The following LRRTM3 variants were observed in gnomAD, a reference collection of about 807,000 sequenced individuals.
LRRTM3 encodes the protein leucine rich repeat transmembrane neuronal 3, also known as leucine-rich repeat transmembrane neuronal protein 3.
A neutral mutation model predicts 44.7 loss-of-function variants in LRRTM3; 24 were observed. The ratio of observed to expected loss-of-function variants is 0.54; its 90% CI spans 0.39 to 0.76. LRRTM3 has a LOEUF of 0.76. Ranked by LOEUF, LRRTM3 falls within the 30% of genes least tolerant of loss-of-function variation. The probability of loss-of-function intolerance (pLI) is 0.00; values close to 1 mark genes in which losing one functional copy is unlikely to be tolerated. For synonymous variants in LRRTM3, 277 were observed against 278.7 expected (o/e 0.99, Z 0.06); for missense variants, 587 against 702.2 (o/e 0.84, Z 1.85).
intron 2 of LRRTM3, chr10:67,015,416 TC>T (rs1852595813): frequency 6.6e-6 from 1 of 152,186 alleles, no homozygotes; most frequent in Non-Finnish European, 1.5e-5. Context: ...AGAATGTCTT[TC>T]TCTTGATACT....
rs1855839880 is a variant in LRRTM3, at chr10:67,062,827, T to C, written c.1537-34760T>C. On this transcript the variant is annotated intron_variant, in intron 2 of 2. Coordinates refer to ENST00000361320, the MANE Select transcript of LRRTM3 (RefSeq NM_178011.5). ...GATGAGAAAGAAAAATTAATTTTCCTCCAACAACAGCTGGAAGGCAGGTGT... is the reference window on the plus strand; with the variant it reads ...GATGAGAAAGAAAAATTAATTTTCCCCCAACAACAGCTGGAAGGCAGGTGT... Among the ~76,000 whole-genome samples, 11 of 152,166 alleles carry C rather than the reference T, an allele frequency of 7.2e-5. No individual in the cohort carries two copies. The South Asian group carries it at 2.3e-3, about 32-fold the overall frequency.
chr10:67,058,843 C>T (rs754136097), intron 2 of LRRTM3, among the ~76,000 whole-genome samples: 3 of 152,278 alleles, frequency 2.0e-5, no homozygotes, highest in South Asian at 4.1e-4. Flanking sequence ...GATTCTTAGA[C>T]ACATATCAAT....
chr10:67,071,060 A>C (rs1469245575), intron 2 of LRRTM3, among the ~76,000 whole-genome samples: 1 of 152,142 alleles, frequency 6.6e-6, no homozygotes, highest in Non-Finnish European at 1.5e-5. Flanking sequence ...AACTTCATTT[A>C]TCACTTCTTA....
chr10:66,990,281 G>C (rs1850971602), intron 2 of LRRTM3, among the ~76,000 whole-genome samples: 2 of 152,118 alleles, frequency 1.3e-5, no homozygotes, highest in Non-Finnish European at 2.9e-5. Flanking sequence ...ACACTGTAGT[G>C]CTGTGGCCAG....
chr10:67,056,714 T>C (rs1855453128), intron 2 of LRRTM3, among the ~76,000 whole-genome samples: 1 of 152,198 alleles, frequency 6.6e-6, no homozygotes. Flanking sequence ...TTTCAATCAC[T>C]ATGATCTCAA....
chr10:66,973,955 A>C (rs2132842038), intron 2 of LRRTM3, among the ~76,000 whole-genome samples: 1 of 152,276 alleles, frequency 6.6e-6, no homozygotes, highest in South Asian at 2.1e-4. Flanking sequence ...TTGAAATATA[A>C]TTTTCATAAA....
Position 66,927,913 on chromosome 10 carries a change from C to T in LRRTM3, c.997C>T (p.Leu333=), listed in dbSNP as rs1455918862. The T allele has an allele frequency of 1.2e-6, 2 of 1,614,068 alleles. No homozygotes were observed. Among genetic ancestry groups the T allele is most frequent in the African/African-American group, 2.7e-5 (2 of 74,916 alleles). Residue 333 remains leucine, a synonymous_variant, in exon 2 of 3, where the codon CTA becomes TTA. Coordinates refer to ENST00000361320, the MANE Select transcript of LRRTM3 (RefSeq NM_178011.5). This position sits in a 1 kb window ranked among gnomAD's most constrained non-coding sequence, Gnocchi z 4.7. ...AAACTGGCTGAAAAGTTTTAAAGGT[C>T]TAAGGGAGAATACAATTATCTGTGC... ...LVNWLKSFKG[L]RENTIICASP...
chr10:67,054,393 TGA>T (rs1855297174), intron 2 of LRRTM3, among the ~76,000 whole-genome samples: 1 of 152,162 alleles, frequency 6.6e-6, no homozygotes, highest in Admixed American at 6.5e-5. Context: ...AAGTGACCAA[TGA>T]GGACAGCAGG....
intron 2 of LRRTM3, among the ~76,000 whole-genome samples, chr10:67,027,305 A>G (rs1853447849): frequency 6.6e-6 from 1 of 152,172 alleles, no homozygotes; most frequent in African/African-American, 2.4e-5. Flanking sequence ...AACTCACTGA[A>G]AGTTTTACAT....
At chr10:67,074,256 T>C (rs1438099271) in intron 2 of LRRTM3, among the ~76,000 whole-genome samples, 1 of 151,306 alleles carries the variant, frequency 6.6e-6, no homozygotes, top group Non-Finnish European at 1.5e-5. Context: ...GGTCTTGATC[T>C]CTCGACCTCA....
At chr10:67,037,871 G>A (rs2133133632) in intron 2 of LRRTM3, among the ~76,000 whole-genome samples, 1 of 152,220 alleles carries the variant, frequency 6.6e-6, no homozygotes, top group Non-Finnish European at 1.5e-5. Context: ...TGATATTATG[G>A]AAACCCAGAG....
intron 2 of LRRTM3, among the ~76,000 whole-genome samples, chr10:67,096,731 C>T (rs1858016186): frequency 6.6e-6 from 1 of 151,788 alleles, no homozygotes; most frequent in African/African-American, 2.4e-5. Flanking sequence ...CTTGCTTTTT[C>T]CCTCACTTTT....
chr10:67,061,720 G>A (rs1222288569), intron 2 of LRRTM3, among the ~76,000 whole-genome samples: 1 of 152,188 alleles, frequency 6.6e-6, no homozygotes, highest in Non-Finnish European at 1.5e-5. Context: ...GCAGTTGTGT[G>A]CATATTCTAA....
In LRRTM3 at chr10:67,089,217, G is replaced by C. The variant is rs182063185; in HGVS notation, c.1537-8370G>C. 1.2e-3 allele frequency among the ~76,000 whole-genome samples: 178 copies of C among 152,134 alleles called. 1 individual carries two copies. The highest frequency in any genetic ancestry group is 4.1e-3 in the African/African-American group (171 of 41,512). On this transcript the variant is annotated intron_variant, in intron 2 of 2. Coordinates refer to ENST00000361320, the MANE Select transcript of LRRTM3 (RefSeq NM_178011.5). Reference sequence around the variant, plus strand: ...CCTCAGAATAGTAACTGTTACTTTAGTTGGCAATTTAGCTCTTAAGAAAAT... The same window carrying C: ...CCTCAGAATAGTAACTGTTACTTTACTTGGCAATTTAGCTCTTAAGAAAAT...
At chr10:67,096,701 C>T (rs1319378457) in intron 2 of LRRTM3, among the ~76,000 whole-genome samples, 1 of 151,816 alleles carries the variant, frequency 6.6e-6, no homozygotes, top group East Asian at 1.9e-4. Context: ...AACTGTGTTT[C>T]CCTTCTCACC....
intron 2 of LRRTM3, among the ~76,000 whole-genome samples, chr10:66,973,823 C>T (rs532678146): frequency 5.3e-5 from 8 of 152,206 alleles, no homozygotes; most frequent in African/African-American, 1.9e-4. Context: ...GGGGTTTCAC[C>T]ATGTTGGCCA....
Position 66,927,830 on chromosome 10 carries a change from A to G in LRRTM3, c.914A>G (p.Asn305Ser), listed in dbSNP as rs372808697. Residue 305 changes from asparagine to serine, a missense_variant, in exon 2 of 3, where the codon AAT (asparagine) becomes AGT (serine). By Grantham distance (46) the Asn-to-Ser change is conservative. Around this residue, in one of 3 missense-constraint regions of LRRTM3, gnomAD observed 222 missense variants for 323.3 expected, o/e 0.69. Transcript: ENST00000361320. This position sits in a 1 kb window ranked among gnomAD's most constrained non-coding sequence, Gnocchi z 4.7. ...ATTTTGGATTCTTGGATATCCCTCA[A>G]TGACATCAGTCTTGCTGGGAATATA... is the stretch of plus-strand genomic sequence containing the variant. ...QEILDSWISL[N>S]DISLAGNIWE... The G allele has an allele frequency of 1.2e-6, 2 of 1,614,218 alleles. No homozygotes were observed. The highest frequency in any genetic ancestry group is 1.7e-5 in the Admixed American group (1 of 60,030).
At chr10:67,048,036 A>T (rs1226564746) in intron 2 of LRRTM3, among the ~76,000 whole-genome samples, 1 of 152,166 alleles carries the variant, frequency 6.6e-6, no homozygotes. Context: ...TGAAAAACTT[A>T]GAAATTTGCT....
chr10:67,040,384 C>T (rs1159932347), intron 2 of LRRTM3, among the ~76,000 whole-genome samples: 1 of 151,916 alleles, frequency 6.6e-6, no homozygotes. Context: ...TACTGGTTCC[C>T]CAGTTGATAA....
Sources: gnomAD v4.1 joint callset for allele counts (sites outside exome capture counted in the v4.1 genomes callset) on GRCh38, gnomAD v4.1.1 for gene constraint, gnomAD v4.1.1 regional missense constraint, Gnocchi (gnomAD v3.1) non-coding constraint, MANE v1.5 for transcripts, NCBI Gene and HGNC (gene_info 2026-07-23, HGNC 2026-07-21) for gene names.